WWC2: variants seen among roughly 807,000 people sequenced by gnomAD.
The protein encoded by WWC2 is WW and C2 domain containing 2, also known as protein WWC2.
WWC2 carries 101 observed loss-of-function variants against 138.5 expected under a neutral mutation model. The observed-to-expected ratio is 0.73, with a 90% CI of 0.62 to 0.86. The LOEUF is 0.86. WWC2 is among the 40% of genes least tolerant of loss of function. The pLI, the probability that WWC2 is intolerant of heterozygous loss-of-function variation, is 0.00. For synonymous variants in WWC2, 558 were observed against 538.4 expected (o/e 1.04, Z -0.50); for missense variants, 1,420 against 1,419.4 (o/e 1.00, Z -0.01).
chr4:183,219,066 A>G (rs1402347236), intron 4 of WWC2, among the ~76,000 whole-genome samples: 1 of 152,246 alleles, frequency 6.6e-6, no homozygotes, highest in Non-Finnish European at 1.5e-5. Context: ...TGAAAACATT[A>G]TGTTAAGTGA....
intron 2 of WWC2, among the ~76,000 whole-genome samples, chr4:183,201,698 A>G (rs918859483): frequency 6.6e-6 from 1 of 152,246 alleles, no homozygotes; most frequent in Non-Finnish European, 1.5e-5. Context: ...GGGGCCAACC[A>G]GAAATACTTC....
Position 183,312,336 on chromosome 4 carries a change from T to C in WWC2, c.3385-5T>C, listed in dbSNP as rs935243108. 3.1e-6 allele frequency: 5 copies of C among 1,612,496 alleles called. No individual in the cohort carries two copies. Among genetic ancestry groups the C allele is most frequent in the African/African-American group, 1.3e-5 (1 of 74,896 alleles). On this transcript the variant is annotated splice_polypyrimidine_tract_variant and splice_region_variant and intron_variant, in intron 21 of 22. Coordinates refer to ENST00000403733, the MANE Select transcript of WWC2 (RefSeq NM_024949.6). ...TGTTTCTTACATTTTTATTCCCTTT[T>C]CCAGGCTGAACAGTCCAAAGAAGAG...
chr4:183,224,736 T>C (rs1736023796), intron 4 of WWC2, among the ~76,000 whole-genome samples: 1 of 152,124 alleles, frequency 6.6e-6, no homozygotes, highest in Admixed American at 6.5e-5. Context: ...AATTTTTGTA[T>C]GTTTAGTAGA....
chr4:183,122,486 T>TA (rs1476048065), intron 1 of WWC2, among the ~76,000 whole-genome samples: 1 of 152,186 alleles, frequency 6.6e-6, no homozygotes, highest in Non-Finnish European at 1.5e-5. Context: ...ATATAATCAG[T>TA]AAAAAATTAG....
intron 1 of WWC2, among the ~76,000 whole-genome samples, chr4:183,191,829 G>C (rs1166230342): frequency 6.6e-6 from 1 of 152,042 alleles, no homozygotes; most frequent in Non-Finnish European, 1.5e-5. Flanking sequence ...CTGGGCTCAG[G>C]TGATGCTCCC....
intron 1 of WWC2, among the ~76,000 whole-genome samples, chr4:183,104,295 A>G (rs751785767): frequency 6.6e-6 from 1 of 152,178 alleles, no homozygotes; most frequent in African/African-American, 2.4e-5. Flanking sequence ...AATGTTGGTT[A>G]ATTTAGTTAA....
intron 1 of WWC2, among the ~76,000 whole-genome samples, chr4:183,114,156 T>C (rs1732338477): frequency 6.6e-6 from 1 of 152,104 alleles, no homozygotes; most frequent in Admixed American, 6.5e-5. Context: ...AGTATCTGGT[T>C]GTTTAAGTGT....
At chr4:183,143,616 T>G (rs1733366018) in intron 1 of WWC2, among the ~76,000 whole-genome samples, 1 of 152,088 alleles carries the variant, frequency 6.6e-6, no homozygotes. Flanking sequence ...AAATCCAGCC[T>G]GGGCAATATG....
At chr4:183,204,266 C>A (rs566140536) in intron 2 of WWC2, among the ~76,000 whole-genome samples, 3 of 152,136 alleles carry the variant, frequency 2.0e-5, no homozygotes, top group Non-Finnish European at 4.4e-5. Flanking sequence ...AGTCAGACAT[C>A]CATCAACAAC....
rs369695579 is a variant in WWC2 at position 183,280,849 on chromosome 4, A to C, written c.2636A>C (p.Glu879Ala). 3 of 1,592,588 alleles carry C rather than the reference A, an allele frequency of 1.9e-6. No homozygotes were observed. The highest frequency in any genetic ancestry group is 1.7e-6 in the Non-Finnish European group (2 of 1,169,094). Reference sequence around the variant, plus strand: ...GTGGAACAAGAATTAGCACAAGAAGAAGAAGAAGAATCAGGACAAGAAGAG... The same window carrying C: ...GTGGAACAAGAATTAGCACAAGAAGCAGAAGAAGAATCAGGACAAGAAGAG... ...LAVEQELAQE[E>A]EEESGQEEPR... Residue 879 changes from glutamate to alanine, a missense_variant, in exon 17 of 23, where the codon GAA becomes GCA. Physicochemically the swap from Glu to Ala is moderately radical, Grantham distance 107 (BLOSUM62 -1). Coordinates refer to ENST00000403733, the MANE Select transcript of WWC2 (RefSeq NM_024949.6).
In WWC2 at chr4:183,099,452, G is replaced by A. The variant is rs1185849338; in HGVS notation, c.-40G>A. The A allele has an allele frequency of 3.2e-6, 4 of 1,237,358 alleles. No homozygotes were observed. The highest frequency in any genetic ancestry group is 4.3e-5 in the Admixed American group (1 of 23,500). 76.6% of individuals were successfully genotyped at this position (1,237,358 alleles called of 1,614,324 possible). On this transcript the variant is annotated 5_prime_UTR_variant, in exon 1 of 23. Coordinates refer to ENST00000403733, the MANE Select transcript of WWC2 (RefSeq NM_024949.6). ...GCGTTCCCGCCGCGTCCCGCGCCCG[G>A]TACCTATGGAGGCGCCGCTCGCCGG... is the stretch of plus-strand genomic sequence containing the variant.
chr4:183,140,854 A>T (rs1451095425), intron 1 of WWC2, among the ~76,000 whole-genome samples: 1 of 151,840 alleles, frequency 6.6e-6, no homozygotes, highest in African/African-American at 2.4e-5. Context: ...AAGAGCATAG[A>T]CTCTAGAGTG....
In WWC2 at chr4:183,233,226, G is replaced by A. The variant is rs546765629; in HGVS notation, c.523-6957G>A. Among the ~76,000 whole-genome samples the A allele has an allele frequency of 3.0e-5, 4 of 132,484 alleles. No homozygotes were observed. The East Asian group carries it at 9.1e-4, about 30-fold the overall frequency. 86.9% of individuals were successfully genotyped at this position (132,484 alleles called of 152,430 possible). A position where few individuals can be genotyped will look rare whatever the true frequency, so the allele number is the denominator to read the frequency against. On this transcript the variant is annotated intron_variant, in intron 4 of 22. Coordinates refer to ENST00000403733, the MANE Select transcript of WWC2 (RefSeq NM_024949.6). ...GGTTTGAGTGCAATGGCTTGATCTCGGCTCACTGCAAACTCTGCCTCCTGG... is the reference window on the plus strand; with the variant it reads ...GGTTTGAGTGCAATGGCTTGATCTCAGCTCACTGCAAACTCTGCCTCCTGG...
At chr4:183,230,978 C>T (rs1262709071) in intron 4 of WWC2, among the ~76,000 whole-genome samples, 1 of 152,120 alleles carries the variant, frequency 6.6e-6, no homozygotes, top group African/African-American at 2.4e-5. Flanking sequence ...GCTCTATTAC[C>T]ATGAGTGAAA....
intron 1 of WWC2, among the ~76,000 whole-genome samples, chr4:183,105,746 C>T (rs1024413707): frequency 1.3e-5 from 2 of 151,974 alleles, no homozygotes; most frequent in Admixed American, 1.3e-4. Flanking sequence ...AAAAATTTGC[C>T]AGGCGTGGTG....
intron 22 of WWC2, among the ~76,000 whole-genome samples, chr4:183,313,558 G>C (rs1461828613): frequency 1.3e-5 from 2 of 152,060 alleles, no homozygotes; most frequent in Non-Finnish European, 2.9e-5. Context: ...ACCATGACCA[G>C]TAGACAAGTG....
At position 183,156,404 on chromosome 4, in the gene WWC2, C is replaced by T. The variant is rs575984645; in HGVS notation, c.132-37195C>T. On this transcript the variant is annotated intron_variant, in intron 1 of 22. Coordinates refer to ENST00000403733, the MANE Select transcript of WWC2 (RefSeq NM_024949.6). ...AGGCTGTAGTGCAGTGGCACAATCT[C>T]GACTGCAGCCTCCACTTCCTGGGTT... 4.8e-5 allele frequency among the ~76,000 whole-genome samples: 7 copies of T among 145,096 alleles called. No individual in the cohort carries two copies. In the East Asian group the frequency reaches 1.2e-3, roughly 25 times the overall value.
chr4:183,111,814 C>T (rs1179224336), intron 1 of WWC2, among the ~76,000 whole-genome samples: 3 of 151,852 alleles, frequency 2.0e-5, no homozygotes, highest in Non-Finnish European at 4.4e-5. Flanking sequence ...CCCACCTCAG[C>T]CTCTGGAGTA....
intron 1 of WWC2, among the ~76,000 whole-genome samples, chr4:183,189,642 C>A (rs1464240141): frequency 2.0e-5 from 3 of 152,160 alleles, no homozygotes; most frequent in Non-Finnish European, 4.4e-5. Context: ...AAGCAGTTGA[C>A]AGGATTCGCT....
Sources: gnomAD v4.1 joint callset for allele counts (sites outside exome capture counted in the v4.1 genomes callset) on GRCh38, gnomAD v4.1.1 for gene constraint, MANE v1.5 for transcripts, NCBI Gene and HGNC (gene_info 2026-07-23, HGNC 2026-07-21) for gene names.